Variants in DTWD2 observed in about 807,000 individuals in gnomAD.
DTWD2 encodes the protein DTW motif tRNA-uridine aminocarboxypropyltransferase 2.
A neutral mutation model predicts 31.8 loss-of-function variants in DTWD2; 39 were observed. The observed-to-expected ratio is 1.22, with a 90% CI of 0.95 to 1.60. The LOEUF (loss-of-function observed/expected upper bound fraction) is 1.60, where lower values mean the gene tolerates loss of function less well. DTWD2 is among the 40% of genes most tolerant of loss of function. DTWD2 has a pLI of 0.00. For missense variants in DTWD2, 515 were observed against 381.5 expected (o/e 1.35, Z -2.92); for synonymous variants, 180 against 142.8 (o/e 1.26, Z -1.86).
At chr5:118,977,461 C>T (rs1268772775) in intron 1 of DTWD2, among the ~76,000 whole-genome samples, 1 of 152,232 alleles carries the variant, frequency 6.6e-6, no homozygotes, top group Non-Finnish European at 1.5e-5. Context: ...CCAAAATCTC[C>T]TTAAGCTGAT....
chr5:118,953,760 G>A lies in DTWD2; in HGVS notation c.219-9111C>T, dbSNP rs950626319. Reference sequence around the variant, plus strand: ...GACTGCTATGCCAGACTGCCACAAGGATGCCAGCAGAAAAGGGTCATCTAA... The same window carrying A: ...GACTGCTATGCCAGACTGCCACAAGAATGCCAGCAGAAAAGGGTCATCTAA... On this transcript the variant is annotated intron_variant, in intron 1 of 5. Transcript: ENST00000510708. Among the ~76,000 whole-genome samples the A allele has an allele frequency of 3.3e-5, 5 of 152,276 alleles. No individual in the cohort carries two copies. In the East Asian group the frequency reaches 9.7e-4, roughly 29 times the overall value.
chr5:118,869,095 G>T (rs942484488), intron 4 of DTWD2, among the ~76,000 whole-genome samples: 3 of 152,122 alleles, frequency 2.0e-5, no homozygotes, highest in African/African-American at 7.2e-5. Flanking sequence ...AGTTTTGCAA[G>T]AGAAAAAGAG....
At chr5:118,874,647 C>T (rs1344341353) in intron 4 of DTWD2, among the ~76,000 whole-genome samples, 4 of 150,316 alleles carry the variant, frequency 2.7e-5, no homozygotes, top group Non-Finnish European at 5.9e-5. Context: ...TAAAACAGGC[C>T]GACAAGAATA....
chr5:118,980,149 G>C (rs1424765708), intron 1 of DTWD2, among the ~76,000 whole-genome samples: 3 of 152,178 alleles, frequency 2.0e-5, no homozygotes, highest in Non-Finnish European at 4.4e-5. Flanking sequence ...CTTTTCAAAG[G>C]TATCTACATG....
chr5:118,911,901 G>C (rs1753466037), intron 4 of DTWD2, among the ~76,000 whole-genome samples: 2 of 152,084 alleles, frequency 1.3e-5, no homozygotes. Flanking sequence ...CATATGTGTG[G>C]GTGTGCATTT....
rs545168725 is a variant in DTWD2 at position 118,848,156 on chromosome 5, G to A, written c.660C>T (p.Cys220=). 1 of 1,607,492 alleles carries A rather than the reference G, an allele frequency of 6.2e-7. No homozygotes were observed. Among genetic ancestry groups the A allele is most frequent in the African/African-American group, 1.3e-5 (1 of 74,712 alleles). Residue 220 remains cysteine (C), a synonymous_variant, in exon 5 of 6, where the codon TGC becomes TGT. Transcript: ENST00000510708. ...YVIRMQPTNR[C]LSTLECAAVA... ...CAGCTGCACACTCCAGTGTAGAAAG[G>A]CATCTATTAGTCGGCTGCATCCGAA...
intron 4 of DTWD2, among the ~76,000 whole-genome samples, chr5:118,860,763 G>A (rs1752242209): frequency 6.6e-6 from 1 of 152,012 alleles, no homozygotes; most frequent in African/African-American, 2.4e-5. Context: ...TAGGACAGAG[G>A]TTGAGCCTCC....
chr5:118,911,550 C>T (rs1753458698), intron 4 of DTWD2, among the ~76,000 whole-genome samples: 1 of 152,152 alleles, frequency 6.6e-6, no homozygotes, highest in Admixed American at 6.6e-5. Context: ...AAGACATCTG[C>T]ACTCCCATGT....
At chr5:118,974,391 AT>A in intron 1 of DTWD2, among the ~76,000 whole-genome samples, 1 of 152,230 alleles carries the variant, frequency 6.6e-6, no homozygotes, top group South Asian at 2.1e-4. Flanking sequence ...ATTTGTTTGT[AT>A]TTTTTATTTA....
chr5:118,959,570 T>A (rs1387111298), intron 1 of DTWD2, among the ~76,000 whole-genome samples: 1 of 152,136 alleles, frequency 6.6e-6, no homozygotes, highest in Non-Finnish European at 1.5e-5. Context: ...AAACTACCAA[T>A]GACATTCTTC....
Position 118,841,173 on chromosome 5 carries a change from C to A in DTWD2, c.727-86G>T, listed in dbSNP as rs1054855809. 4.1e-6 allele frequency: 6 copies of A among 1,456,846 alleles called. No individual in the cohort carries two copies. In the African/African-American group the frequency reaches 8.6e-5, roughly 21 times the overall value. The allele number at this position is 1,456,846 out of a possible 1,614,324, so 90.2% of individuals were successfully genotyped here. A position where few individuals can be genotyped will look rare whatever the true frequency, so the allele number is the denominator to read the frequency against. Reference sequence around the variant, plus strand: ...ATTTTTCATTCAGAAATAGGAGTTACTATGTTTCTTTTATTATGATTGGCT... The same window carrying A: ...ATTTTTCATTCAGAAATAGGAGTTAATATGTTTCTTTTATTATGATTGGCT... On this transcript the variant is annotated intron_variant, in intron 5 of 5. Transcript: ENST00000510708.
chr5:118,980,895 A>T (rs1755284566), intron 1 of DTWD2, among the ~76,000 whole-genome samples: 3 of 152,270 alleles, frequency 2.0e-5, no homozygotes, highest in Admixed American at 6.5e-5. Context: ...GATTATTTGT[A>T]TACCAATGTT....
At chr5:118,904,607 T>G (rs1015418081) in intron 4 of DTWD2, among the ~76,000 whole-genome samples, 1 of 152,038 alleles carries the variant, frequency 6.6e-6, no homozygotes, top group East Asian at 1.9e-4. Context: ...CAAAGACCAG[T>G]AGTATCTCCC....
chr5:118,879,807 T>C (rs544843747), intron 4 of DTWD2, among the ~76,000 whole-genome samples: 14 of 151,394 alleles, frequency 9.2e-5, no homozygotes, highest in Non-Finnish European at 1.9e-4. Flanking sequence ...TACTGGAGGG[T>C]AGAGAGTGGG....
At chr5:118,954,759 G>A (rs962488266) in intron 1 of DTWD2, among the ~76,000 whole-genome samples, 39 of 152,138 alleles carry the variant, frequency 2.6e-4, no homozygotes, top group African/African-American at 4.1e-4. Context: ...GGCCTCAAGT[G>A]ATCCACCTGC....
intron 3 of DTWD2, among the ~76,000 whole-genome samples, chr5:118,936,521 C>T (rs931929983): frequency 2.6e-5 from 4 of 151,396 alleles, no homozygotes; most frequent in Non-Finnish European, 5.9e-5. Context: ...TTTATATGCA[C>T]GGGCCAGGCA....
intron 3 of DTWD2, among the ~76,000 whole-genome samples, chr5:118,931,017 T>G (rs1363611110): frequency 6.6e-6 from 1 of 151,862 alleles, no homozygotes; most frequent in Non-Finnish European, 1.5e-5. Context: ...TTTAAATTGG[T>G]AAGTTAAATG....
chr5:118,972,495 A>C (rs1404077463), intron 1 of DTWD2, among the ~76,000 whole-genome samples: 1 of 152,168 alleles, frequency 6.6e-6, no homozygotes, highest in Non-Finnish European at 1.5e-5. Flanking sequence ...CTATCAGCCC[A>C]AAAAGAAAGC....
intron 4 of DTWD2, among the ~76,000 whole-genome samples, chr5:118,920,346 A>ATT (rs977649301): frequency 3.9e-5 from 6 of 152,006 alleles, no homozygotes; most frequent in African/African-American, 1.4e-4. Context: ...ATATTATTGT[A>ATT]TTATATATAT....
Sources: gnomAD v4.1 joint callset for allele counts (sites outside exome capture counted in the v4.1 genomes callset) on GRCh38, gnomAD v4.1.1 for gene constraint, MANE v1.5 for transcripts, NCBI Gene and HGNC (gene_info 2026-07-23, HGNC 2026-07-21) for gene names.